Variants in COL5A3 observed in about 807,000 individuals in gnomAD.
COL5A3 encodes collagen type V alpha 3 chain.
A neutral mutation model predicts 250.0 loss-of-function variants in COL5A3; 172 were observed. The ratio of observed to expected loss-of-function variants is 0.69; its 90% CI spans 0.61 to 0.78. The LOEUF (loss-of-function observed/expected upper bound fraction) is 0.78. Among genes scored for constraint, COL5A3 ranks in the 30% least tolerant of loss-of-function variants. The pLI is 0.00. For synonymous variants in COL5A3, 937 were observed against 900.4 expected (o/e 1.04, Z -0.73); for missense variants, 2,340 against 2,334.4 (o/e 1.00, Z -0.05).
rs201513241 is a variant in COL5A3, at chr19:9,976,605, G to A, written c.3295C>T (p.Pro1099Ser). 37 of 1,577,392 alleles carry A rather than the reference G, an allele frequency of 2.3e-5. No homozygotes were observed. The highest frequency in any genetic ancestry group is 3.2e-5 in the Non-Finnish European group (37 of 1,165,652). The change falls in exon 45 of 67, where the codon CCT (proline) becomes TCT (serine). Residue 1099 changes from proline to serine, a missense_variant. Pro to Ser is a moderately conservative substitution (Grantham distance 74, BLOSUM62 -1). This residue lies in a region of COL5A3 where 1,179 missense variants were observed against 1,162.6 expected (regional missense o/e 1.01). Coordinates refer to ENST00000264828, the MANE Select transcript of COL5A3 (RefSeq NM_015719.4). The part of the protein sequence containing the change: ...SKGDKGDAGP[P>S]GQPGIRGPAG... The stretch of plus-strand genomic sequence containing the variant: ...GGACCCCGTATCCCTGGTTGTCCAG[G>A]TGGGCCCTGGGAGAACAGGAAACAG...
chr19:9,997,594 C>T (rs1294979655), intron 10 of COL5A3, among the ~76,000 whole-genome samples, 161 bp from the exon 11 acceptor site: 1 of 152,052 alleles, frequency 6.6e-6, no homozygotes, highest in Non-Finnish European at 1.5e-5. Flanking sequence ...ACCCCCAACG[C>T]TACTCTCGGA....
Position 9,973,992 on chromosome 19 carries a change from G to C in COL5A3, c.3505-20C>G. The C allele has an allele frequency of 6.5e-7, 1 of 1,530,676 alleles. No homozygotes were observed. Among genetic ancestry groups the C allele is most frequent in the Non-Finnish European group, 8.8e-7 (1 of 1,139,724 alleles). 94.8% of individuals were successfully genotyped at this position (1,530,676 alleles called of 1,614,324 possible). A position where few individuals can be genotyped will look rare whatever the true frequency, so the allele number is the denominator to read the frequency against. ...GGGACCCTGTGGAAGGTCAGAATTA[G>C]TACCCAGTGACCCCAGGCCCCTCTC... On this transcript the variant is annotated intron_variant, in intron 47 of 66. Transcript: ENST00000264828.
At chr19:9,982,898 C>G (rs1013693966) in intron 31 of COL5A3, among the ~76,000 whole-genome samples, 1 of 152,116 alleles carries the variant, frequency 6.6e-6, no homozygotes, top group African/African-American at 2.4e-5. Flanking sequence ...CTTTGTCACC[C>G]AGGCTGGAGT....
chr19:9,978,904 C>A lies in COL5A3; in HGVS notation c.2951G>T (p.Gly984Val). 1.3e-6 allele frequency: 2 copies of A among 1,481,958 alleles called. No individual in the cohort carries two copies. The highest frequency in any genetic ancestry group is 8.9e-7 in the Non-Finnish European group (1 of 1,117,486). 91.8% of individuals were successfully genotyped at this position (1,481,958 alleles called of 1,614,324 possible). Reference protein sequence around the residue: ...GLRGFPGPKGGPGDPGPTGLK... With the variant: ...GLRGFPGPKGVPGDPGPTGLK... ...AAAGATACTCACCGGGTCCCCAGGG[C>A]CCCCTTTGGGGCCGGGAAAGCCCCT... The change falls in exon 40 of 67, where the codon GGC becomes GTC. Residue 984 changes from glycine (G) to valine (V), a missense_variant. Physicochemically the swap from Gly to Val is moderately radical, Grantham distance 109. Transcript: ENST00000264828.
Position 9,973,455 on chromosome 19 carries a change from A to G in COL5A3, c.3666+115T>C. 5 of 1,061,868 alleles carry G rather than the reference A, an allele frequency of 4.7e-6. No homozygotes were observed. In the South Asian group the frequency reaches 7.7e-5, roughly 16 times the overall value. The allele number at this position is 1,061,868 out of a possible 1,614,324, so 65.8% of individuals were successfully genotyped here. ...CCTCAAGGTAATCAGGGACGGCCAC[A>G]GGACAGGGGTGAGTGGATGATCTTG... On this transcript the variant is annotated intron_variant, in intron 50 of 66. Transcript: ENST00000264828.
intron 31 of COL5A3, 34 bp from the exon 32 acceptor site, chr19:9,982,152 G>A (rs745988409): frequency 4.7e-6 from 7 of 1,482,152 alleles, no homozygotes; most frequent in South Asian, 1.3e-5. Flanking sequence ...AGACATGAGG[G>A]TGAGGAGTGA....
At position 9,968,173 on chromosome 19, in the gene COL5A3, C is replaced by G. The variant is rs2287817; in HGVS notation, c.4315-94G>C. 0.17 allele frequency: 222,943 copies of G among 1,292,192 alleles called. 21,510 individuals are homozygous for G. Among genetic ancestry groups the G allele is most frequent in the South Asian group, 0.35 (26,167 of 74,820 alleles). The allele number at this position is 1,292,192 out of a possible 1,614,324, so 80.0% of individuals were successfully genotyped here. On this transcript the variant is annotated intron_variant, in intron 59 of 66. Coordinates refer to ENST00000264828, the MANE Select transcript of COL5A3 (RefSeq NM_015719.4). This position sits in a 1 kb window ranked among gnomAD's most constrained non-coding sequence, Gnocchi z 4.1. The stretch of plus-strand genomic sequence containing the variant: ...GCCTTCAATCCTACCAAAGGAAGAC[C>G]CCGAACCCTAGACAAGCCTCCAGTT...
Position 9,983,572 on chromosome 19 carries a change from GAA to G in COL5A3, c.2407-1456_2407-1455del, listed in dbSNP as rs1167447912. On this transcript the variant is annotated intron_variant, in intron 31 of 66. Transcript: ENST00000264828. Reference sequence around the variant, plus strand: ...AGAAAGAAAGAAAGAAAGAAAGAAAGAAAGAAAGAAAGAAAGAAAGAAAGAAA... The same window carrying G: ...AGAAAGAAAGAAAGAAAGAAAGAAAGAGAAAGAAAGAAAGAAAGAAAGAAA... Among the ~76,000 whole-genome samples, 245 of 71,638 alleles carry G rather than the reference GAA, an allele frequency of 3.4e-3. 7 individuals are homozygous for G. The highest frequency in any genetic ancestry group is 0.027 in the East Asian group (66 of 2,408). 47.0% of individuals were successfully genotyped at this position (71,638 alleles called of 152,430 possible). A position where few individuals can be genotyped will look rare whatever the true frequency, so the allele number is the denominator to read the frequency against.
rs756284072 is a variant in COL5A3, at chr19:9,978,567, T to C, written c.3018+7A>G. 6.3e-7 allele frequency: 1 copy of C among 1,576,074 alleles called. No homozygotes were observed. The highest frequency in any genetic ancestry group is 8.7e-7 in the Non-Finnish European group (1 of 1,152,748). On this transcript the variant is annotated splice_region_variant and intron_variant, in intron 41 of 66. Coordinates refer to ENST00000264828, the MANE Select transcript of COL5A3 (RefSeq NM_015719.4). ...TGCCCCCACCCAGCACATGGGGTTA[T>C]ACTTACATTGGCCCCCACGGGCCCT... is the stretch of plus-strand genomic sequence containing the variant.
chr19:9,985,153 G>A (rs891787910), intron 31 of COL5A3, among the ~76,000 whole-genome samples: 2 of 151,504 alleles, frequency 1.3e-5, no homozygotes, highest in African/African-American at 4.9e-5. Context: ...GTTTTACCAT[G>A]TTGGCCAGGC....
chr19:9,962,598 T>C (rs886645336), intron 65 of COL5A3, among the ~76,000 whole-genome samples: 2 of 152,130 alleles, frequency 1.3e-5, no homozygotes, highest in Non-Finnish European at 2.9e-5. Flanking sequence ...ATTTCCACCA[T>C]GCCCTGTGCT....
At chr19:9,989,248 C>T (rs1325255142) in intron 26 of COL5A3, 71 bp from the exon 27 acceptor site, 15 of 1,610,494 alleles carry the variant, frequency 9.3e-6, no homozygotes, top group Non-Finnish European at 1.3e-5. Context: ...CATCTCTCTC[C>T]TCTGTGGCCC....
chr19:9,960,314 A>C lies in COL5A3; in HGVS notation c.*97T>G. 7.0e-7 allele frequency: 1 copy of C among 1,432,318 alleles called. No individual in the cohort carries two copies. The allele number at this position is 1,432,318 out of a possible 1,614,324, so 88.7% of individuals were successfully genotyped here. A position where few individuals can be genotyped will look rare whatever the true frequency, so the allele number is the denominator to read the frequency against. On this transcript the variant is annotated 3_prime_UTR_variant, in exon 67 of 67. Transcript: ENST00000264828. ...CGAAGTCACATCCCATTGGCTCCATAGTCACAGGTAACGAAAAATACGGTG... is the reference window on the plus strand; with the variant it reads ...CGAAGTCACATCCCATTGGCTCCATCGTCACAGGTAACGAAAAATACGGTG...
In COL5A3 at chr19:9,963,500, T is replaced by A. The variant is rs572230125; in HGVS notation, c.4783-613A>T. ...TCGACTTCCAAAGTTCAAGCAATCCTCTGACCTCAGCCTCCTAAGTAGCTG... is the reference window on the plus strand; with the variant it reads ...TCGACTTCCAAAGTTCAAGCAATCCACTGACCTCAGCCTCCTAAGTAGCTG... On this transcript the variant is annotated intron_variant, in intron 64 of 66. Coordinates refer to ENST00000264828, the MANE Select transcript of COL5A3 (RefSeq NM_015719.4). Among the ~76,000 whole-genome samples, 18 of 142,094 alleles carry A rather than the reference T, an allele frequency of 1.3e-4. No homozygotes were observed. In the East Asian group the frequency reaches 3.7e-3, roughly 29 times the overall value. 93.2% of individuals were successfully genotyped at this position (142,094 alleles called of 152,430 possible). A position where few individuals can be genotyped will look rare whatever the true frequency, so the allele number is the denominator to read the frequency against.
intron 62 of COL5A3, among the ~76,000 whole-genome samples, chr19:9,967,064 A>G (rs2086759189): frequency 6.6e-6 from 1 of 152,130 alleles, no homozygotes; most frequent in African/African-American, 2.4e-5. Flanking sequence ...GTATAGACAG[A>G]GACAGATAAG....
At chr19:9,979,297 T>C in intron 38 of COL5A3, 58 bp from the exon 39 acceptor site, 1 of 1,605,166 alleles carries the variant, frequency 6.2e-7, no homozygotes, top group Admixed American at 1.7e-5. Context: ...CGCTCAGGAG[T>C]CCAGCTTTCC....
chr19:9,989,234 C>T (rs2287805), intron 26 of COL5A3, 57 bp from the exon 27 acceptor site: 575,030 of 1,597,828 alleles, frequency 0.36, 106,002 homozygotes, highest in African/African-American at 0.61. Flanking sequence ...ATTCTAAGAG[C>T]CCTCATCTCT....
chr19:9,963,028 G>T, intron 64 of COL5A3, 141 bp from the exon 65 acceptor site: 2 of 640,990 alleles, frequency 3.1e-6, no homozygotes, highest in South Asian at 1.9e-5. Flanking sequence ...AGCTCTGCCA[G>T]TGCACAATGG....
At chr19:9,979,798 A>C (rs777694321) in intron 37 of COL5A3, 41 bp downstream of exon 37, 2 of 1,571,962 alleles carry the variant, frequency 1.3e-6, no homozygotes, top group Non-Finnish European at 1.7e-6. Context: ...AAAGAAAAAA[A>C]AAAAAAAGGA....
Sources: gnomAD v4.1 joint callset for allele counts (sites outside exome capture counted in the v4.1 genomes callset) on GRCh38, gnomAD v4.1.1 for gene constraint, gnomAD v4.1.1 regional missense constraint, Gnocchi (gnomAD v3.1) non-coding constraint, MANE v1.5 for transcripts, NCBI Gene and HGNC (gene_info 2026-07-23, HGNC 2026-07-21) for gene names.